MAML2: variants seen among roughly 807,000 people sequenced by gnomAD.
The protein encoded by MAML2 is mastermind-like protein 2.
In MAML2, 22 loss-of-function variants were observed where a neutral mutation model predicts 96.1. The ratio of observed to expected loss-of-function variants is 0.23; its 90% CI spans 0.16 to 0.33. MAML2 has a LOEUF of 0.33. Among genes scored for constraint, MAML2 ranks in the 10% least tolerant of loss-of-function variants. MAML2 has a pLI of 1.00. For missense variants in MAML2, 1,367 were observed against 1,392.4 expected (o/e 0.98, Z 0.29); for synonymous variants, 561 against 521.3 (o/e 1.08, Z -1.04).
chr11:96,042,744 C>CTTTTTTT (rs767509829), intron 2 of MAML2, among the ~76,000 whole-genome samples: 7 of 116,226 alleles, frequency 6.0e-5, no homozygotes, highest in Admixed American at 1.0e-4. Context: ...CGTTAACGTT[C>CTTTTTTT]TTTTTTTTTT....
chr11:96,205,074 T>C (rs1008960396), intron 1 of MAML2, among the ~76,000 whole-genome samples: 1 of 152,228 alleles, frequency 6.6e-6, no homozygotes, highest in African/African-American at 2.4e-5. Flanking sequence ...GTAATTTCTT[T>C]TCATATAATG....
At chr11:96,274,202 C>T (rs1394380218) in intron 1 of MAML2, among the ~76,000 whole-genome samples, 2 of 151,420 alleles carry the variant, frequency 1.3e-5, no homozygotes, top group East Asian at 1.9e-4. Context: ...CCTGCGTGAG[C>T]CTTTCTGCTA....
intron 2 of MAML2, among the ~76,000 whole-genome samples, chr11:96,076,428 TCTCTCACACACACACA>T (rs948834448): frequency 3.4e-5 from 3 of 88,216 alleles, no homozygotes; most frequent in Non-Finnish European, 2.4e-5. Context: ...TCTCTCTCTC[TCTCTCACACACACACA>T]CACACACACA....
In MAML2 at chr11:96,325,402, C is replaced by T. The variant is rs570073407; in HGVS notation, c.513+15981G>A. On this transcript the variant is annotated intron_variant, in intron 1 of 4. Coordinates refer to ENST00000524717, the MANE Select transcript of MAML2 (RefSeq NM_032427.4). Reference sequence around the variant, plus strand: ...ACTGAAATAATGAAATAACACACTCCATAAACTGCAAATTTGCTATTCAAA... The same window carrying T: ...ACTGAAATAATGAAATAACACACTCTATAAACTGCAAATTTGCTATTCAAA... Among the ~76,000 whole-genome samples the T allele has an allele frequency of 4.6e-5, 7 of 152,224 alleles. No individual in the cohort carries two copies. In the South Asian group the frequency reaches 1.5e-3, roughly 32 times the overall value.
chr11:96,024,775 A>G (rs1269805898), intron 2 of MAML2, among the ~76,000 whole-genome samples: 1 of 151,988 alleles, frequency 6.6e-6, no homozygotes, highest in Non-Finnish European at 1.5e-5. Flanking sequence ...AACTGTGGAT[A>G]TTTTGTGCAG....
intron 1 of MAML2, among the ~76,000 whole-genome samples, chr11:96,227,287 C>A (rs764473355): frequency 6.6e-6 from 1 of 152,166 alleles, no homozygotes; most frequent in Non-Finnish European, 1.5e-5. Context: ...TATATACTTA[C>A]CCTAGTACCT....
intron 1 of MAML2, among the ~76,000 whole-genome samples, chr11:96,304,391 G>A (rs1017557894): frequency 1.3e-5 from 2 of 152,222 alleles, no homozygotes; most frequent in Non-Finnish European, 2.9e-5. Context: ...GACAAAAAGA[G>A]TTGCATTTTT....
intron 1 of MAML2, among the ~76,000 whole-genome samples, chr11:96,234,651 TCA>T (rs1191951869): frequency 6.6e-6 from 1 of 152,088 alleles, no homozygotes; most frequent in Non-Finnish European, 1.5e-5. Context: ...TCTATCTTTC[TCA>T]CACACACACA....
intron 1 of MAML2, among the ~76,000 whole-genome samples, chr11:96,323,483 G>GAA (rs57745850): frequency 0.38 from 55,044 of 144,482 alleles, 10,398 homozygotes; most frequent in African/African-American, 0.45. Flanking sequence ...ACAAAATGCT[G>GAA]AAAAAAAAAA....
At chr11:96,162,492 T>G (rs1861124712) in intron 1 of MAML2, among the ~76,000 whole-genome samples, 1 of 151,788 alleles carries the variant, frequency 6.6e-6, no homozygotes, top group Admixed American at 6.6e-5. Context: ...GGCGGGCGGA[T>G]CACCTGAGGT....
intron 2 of MAML2, among the ~76,000 whole-genome samples, chr11:96,051,326 AC>A (rs1858986707): frequency 6.6e-6 from 1 of 152,196 alleles, no homozygotes. Context: ...TACCAGTAAT[AC>A]TAATATCCAA....
chr11:96,083,861 C>A (rs1859566017), intron 2 of MAML2, among the ~76,000 whole-genome samples: 2 of 152,058 alleles, frequency 1.3e-5, no homozygotes, highest in Non-Finnish European at 2.9e-5. Flanking sequence ...GAGAGGTAAT[C>A]CATGCTCAAA....
At chr11:96,067,986 T>A (rs537617949) in intron 2 of MAML2, among the ~76,000 whole-genome samples, 1 of 152,226 alleles carries the variant, frequency 6.6e-6, no homozygotes, top group South Asian at 2.1e-4. Context: ...AAATTGAAAA[T>A]TTTTTCCTGA....
intron 1 of MAML2, among the ~76,000 whole-genome samples, chr11:96,295,950 A>G (rs1482120714): frequency 6.7e-6 from 1 of 148,276 alleles, no homozygotes; most frequent in Non-Finnish European, 1.5e-5. Flanking sequence ...ACACACACAC[A>G]CACACACACA....
At chr11:96,073,361 C>T (rs1859379224) in intron 2 of MAML2, among the ~76,000 whole-genome samples, 1 of 150,156 alleles carries the variant, frequency 6.7e-6, no homozygotes. Flanking sequence ...CGCTGTGTTG[C>T]CCAGGCTGGA....
At chr11:96,042,846 G>T (rs750604914) in intron 2 of MAML2, among the ~76,000 whole-genome samples, 6 of 147,620 alleles carry the variant, frequency 4.1e-5, no homozygotes, top group Admixed American at 1.4e-4. Flanking sequence ...CTGGGTTCAA[G>T]CAATTCTCCT....
At chr11:96,127,493 C>A (rs1446117754) in intron 1 of MAML2, among the ~76,000 whole-genome samples, 1 of 151,830 alleles carries the variant, frequency 6.6e-6, no homozygotes. Flanking sequence ...TCCATCAGCG[C>A]CAAATAATTT....
chr11:96,212,150 T>TGGGGGG (rs372748139), intron 1 of MAML2, among the ~76,000 whole-genome samples: 1 of 127,486 alleles, frequency 7.8e-6, no homozygotes, highest in Non-Finnish European at 1.7e-5. Flanking sequence ...TGTGTGTGTG[T>TGGGGGG]GGAAGGGGGA....
At chr11:96,014,618 T>C (rs1858315129) in intron 2 of MAML2, among the ~76,000 whole-genome samples, 1 of 152,230 alleles carries the variant, frequency 6.6e-6, no homozygotes, top group Non-Finnish European at 1.5e-5. Context: ...ACTGGTTCTG[T>C]GTTATCTCTG....
Sources: allele counts gnomAD v4.1 joint callset (sites outside exome capture counted in the v4.1 genomes callset), GRCh38; gene constraint gnomAD v4.1.1; transcripts MANE v1.5; gene names NCBI Gene and HGNC (gene_info 2026-07-23, HGNC 2026-07-21).